SLC12A8: variants seen among roughly 807,000 people sequenced by gnomAD.
The protein encoded by SLC12A8 is cation-chloride cotransporter 9.
A neutral mutation model predicts 75.6 loss-of-function variants in SLC12A8; 69 were observed. The ratio of observed to expected loss-of-function variants is 0.91; its 90% CI spans 0.75 to 1.11. The LOEUF is 1.11. Among genes scored for constraint, SLC12A8 ranks in the 50% most tolerant of loss-of-function variants. SLC12A8 has a pLI of 0.00. For missense variants in SLC12A8, 877 were observed against 896.7 expected (o/e 0.98, Z 0.28); for synonymous variants, 365 against 372.8 (o/e 0.98, Z 0.24).
At position 125,176,790 on chromosome 3, in the gene SLC12A8, A is replaced by C. The variant is rs1481660456; in HGVS notation, c.622+953T>G. Among the ~76,000 whole-genome samples the C allele has an allele frequency of 2.1e-5, 3 of 144,942 alleles. No individual in the cohort carries two copies. In the East Asian group the frequency reaches 6.1e-4, roughly 30 times the overall value. ...CCACAATGAGATACCATCTCACACC[A>C]GTTAGAATGGCAATCATTAAAAAGT... is the stretch of plus-strand genomic sequence containing the variant. On this transcript the variant is annotated intron_variant, in intron 5 of 13. Coordinates refer to ENST00000469902, the MANE Select transcript of SLC12A8 (RefSeq NM_024628.6).
intron 9 of SLC12A8, among the ~76,000 whole-genome samples, chr3:125,109,929 G>A (rs76642748): frequency 6.6e-6 from 1 of 152,290 alleles, no homozygotes; most frequent in African/African-American, 2.4e-5. Context: ...ATGGTACTAG[G>A]ACTGGTTAGC....
chr3:125,128,844 G>T (rs972697433), intron 6 of SLC12A8, among the ~76,000 whole-genome samples: 13 of 152,148 alleles, frequency 8.5e-5, no homozygotes, highest in East Asian at 1.9e-4. Context: ...CGCCTAGGAG[G>T]GGGGAATGGG....
chr3:125,210,397 CTG>C (rs1302895720), intron 2 of SLC12A8, among the ~76,000 whole-genome samples: 1 of 152,138 alleles, frequency 6.6e-6, no homozygotes, highest in Non-Finnish European at 1.5e-5. Flanking sequence ...TGGGGTCAGA[CTG>C]TATAGGGCTG....
intron 4 of SLC12A8, among the ~76,000 whole-genome samples, chr3:125,186,140 T>C (rs1389827426): frequency 1.5e-4 from 21 of 143,054 alleles, no homozygotes; most frequent in Non-Finnish European, 2.3e-4. Flanking sequence ...GGCTATAAAA[T>C]AGCAGAGAAG....
intron 5 of SLC12A8, chr3:125,151,087 A>C (rs984330923): frequency 2.0e-5 from 3 of 152,210 alleles, no homozygotes; most frequent in African/African-American, 4.8e-5. Context: ...CCATTATCAT[A>C]AAGACGCTTC....
At chr3:125,181,788 A>AC (rs952901116) in intron 4 of SLC12A8, among the ~76,000 whole-genome samples, 5 of 151,794 alleles carry the variant, frequency 3.3e-5, no homozygotes, top group African/African-American at 1.2e-4. Flanking sequence ...ATCTTTTAAA[A>AC]AAAAATTAAA....
chr3:125,112,910 G>A (rs1412333926), intron 8 of SLC12A8, among the ~76,000 whole-genome samples: 1 of 152,166 alleles, frequency 6.6e-6, no homozygotes, highest in African/African-American at 2.4e-5. Context: ...AGCCGATGTG[G>A]AGAACCCCTG....
rs747117890 is a variant in SLC12A8, at chr3:125,135,821, G to A, written c.623-39C>T. 9 of 1,173,578 alleles carry A rather than the reference G, an allele frequency of 7.7e-6. No homozygotes were observed. The East Asian group carries it at 1.9e-4, about 25-fold the overall frequency. 72.7% of individuals were successfully genotyped at this position (1,173,578 alleles called of 1,614,324 possible). Reference sequence around the variant, plus strand: ...ATGGAGAGCAACGTAAGCCCAGTGAGAAGACACAGGACACATTTCCCTAGA... The same window carrying A: ...ATGGAGAGCAACGTAAGCCCAGTGAAAAGACACAGGACACATTTCCCTAGA... On this transcript the variant is annotated intron_variant, in intron 5 of 13. Transcript: ENST00000469902.
chr3:125,110,335 C>T lies in SLC12A8; in HGVS notation c.913G>A (p.Val305Ile). Reference sequence around the variant, plus strand: ...AGGAACAGGAAGCCCATGAGGGATACCTGTGTGAGAAGCGGTTTCATTCGC... The same window carrying T: ...AGGAACAGGAAGCCCATGAGGGATATCTGTGTGAGAAGCGGTTTCATTCGC... Reference protein sequence around the residue: ...LRYDFLIAEKVSLMGFLFLLG... With the variant: ...LRYDFLIAEKISLMGFLFLLG... Residue 305 changes from valine to isoleucine, a missense_variant and splice_region_variant, in exon 9 of 14, where the codon GTA (valine) becomes ATA (isoleucine). Physicochemically the swap from Val to Ile is conservative, Grantham distance 29 (BLOSUM62 3). Coordinates refer to ENST00000469902, the MANE Select transcript of SLC12A8 (RefSeq NM_024628.6). The T allele has an allele frequency of 6.2e-7, 1 of 1,610,968 alleles. No individual in the cohort carries two copies. Among genetic ancestry groups the T allele is most frequent in the Non-Finnish European group, 8.5e-7 (1 of 1,177,670 alleles).
intron 5 of SLC12A8, chr3:125,151,569 A>AG (rs1933924991): frequency 6.5e-6 from 1 of 153,284 alleles, no homozygotes; most frequent in African/African-American, 2.4e-5. Context: ...GGGGTGCGGT[A>AG]GGTCTCAAGA....
At chr3:125,168,333 G>T (rs1430666489) in intron 5 of SLC12A8, among the ~76,000 whole-genome samples, 2 of 152,174 alleles carry the variant, frequency 1.3e-5, no homozygotes, top group Non-Finnish European at 2.9e-5. Context: ...GGAAGAAAAG[G>T]CTAACTAAAG....
At chr3:125,097,716 A>G (rs558546146) in intron 10 of SLC12A8, among the ~76,000 whole-genome samples, 1 of 152,340 alleles carries the variant, frequency 6.6e-6, no homozygotes, top group East Asian at 1.9e-4. Flanking sequence ...TGTAAAATAG[A>G]CAATTATTCA....
chr3:125,109,053 CCT>C (rs1248791895), intron 9 of SLC12A8, among the ~76,000 whole-genome samples: 8 of 152,132 alleles, frequency 5.3e-5, no homozygotes, highest in African/African-American at 1.9e-4. Context: ...CTTCTCAGTC[CCT>C]GTCTTCTTTA....
At chr3:125,142,085 C>G (rs1021385770) in intron 5 of SLC12A8, among the ~76,000 whole-genome samples, 3 of 152,224 alleles carry the variant, frequency 2.0e-5, no homozygotes, top group Admixed American at 2.0e-4. Flanking sequence ...GACAGCCCAG[C>G]GCCTCTCAGC....
At chr3:125,092,077 T>C (rs1669146681) in intron 11 of SLC12A8, 24 bp downstream of exon 11, 1 of 1,537,674 alleles carries the variant, frequency 6.5e-7, no homozygotes, top group Non-Finnish European at 9.0e-7. Flanking sequence ...CAAGAACAAC[T>C]GAGATCAAGA....
At chr3:125,203,088 C>CAAAAAAA (rs758212012) in intron 2 of SLC12A8, among the ~76,000 whole-genome samples, 4 of 88,438 alleles carry the variant, frequency 4.5e-5, no homozygotes, top group Non-Finnish European at 6.1e-5. Flanking sequence ...GACTTCATCT[C>CAAAAAAA]AAAAAAAAAA....
At chr3:125,113,498 G>A (rs1206298579) in intron 8 of SLC12A8, among the ~76,000 whole-genome samples, 3 of 152,054 alleles carry the variant, frequency 2.0e-5, no homozygotes, top group Non-Finnish European at 4.4e-5. Flanking sequence ...ATTTCCTGAC[G>A]ACAGATTATG....
rs538840861 is a variant in SLC12A8 at position 125,155,625 on chromosome 3, G to GCCGGGTGTGGTAGCGGGCAC, written c.623-19844_623-19843insGTGCCCGCTACCACACCCGG. On this transcript the variant is annotated intron_variant, in intron 5 of 13. Coordinates refer to ENST00000469902, the MANE Select transcript of SLC12A8 (RefSeq NM_024628.6). Reference sequence around the variant, plus strand: ...TCTCTACTAAAAATACAAAAAAGTAGCTGTAGTCCCAGCTACTCGGGAGGC... The same window carrying GCCGGGTGTGGTAGCGGGCAC: ...TCTCTACTAAAAATACAAAAAAGTAGCCGGGTGTGGTAGCGGGCACCTGTAGTCCCAGCTACTCGGGAGGC... Among the ~76,000 whole-genome samples the GCCGGGTGTGGTAGCGGGCAC allele has an allele frequency of 1.3e-4, 16 of 119,700 alleles. 2 individuals are homozygous for GCCGGGTGTGGTAGCGGGCAC. The highest frequency in any genetic ancestry group is 7.6e-4 in the East Asian group (3 of 3,950). 78.5% of individuals were successfully genotyped at this position (119,700 alleles called of 152,430 possible).
chr3:125,116,214 A>G (rs995396858), intron 8 of SLC12A8, among the ~76,000 whole-genome samples: 2 of 152,226 alleles, frequency 1.3e-5, no homozygotes, highest in Non-Finnish European at 2.9e-5. Context: ...TTTTGAAGTC[A>G]TCAGGGTCGG....
Sources: gnomAD v4.1 joint callset for allele counts (sites outside exome capture counted in the v4.1 genomes callset) on GRCh38, gnomAD v4.1.1 for gene constraint, MANE v1.5 for transcripts, NCBI Gene and HGNC (gene_info 2026-07-23, HGNC 2026-07-21) for gene names.